PXYLP1: variants seen among roughly 807,000 people sequenced by gnomAD.
PXYLP1 encodes the protein acid phosphatase-like 2.
In PXYLP1, 17 loss-of-function variants were observed where a neutral mutation model predicts 37.9. The observed-to-expected ratio is 0.45, with a 90% confidence interval of 0.31 to 0.67. The LOEUF is 0.67. Ranked by LOEUF, PXYLP1 falls within the 30% of genes least tolerant of loss-of-function variation. The probability of loss-of-function intolerance (pLI) is 0.07; values close to 1 mark genes in which losing one functional copy is unlikely to be tolerated. For missense variants in PXYLP1, 511 were observed against 612.0 expected (o/e 0.84, Z 1.74); for synonymous variants, 221 against 232.2 (o/e 0.95, Z 0.44).
chr3:141,281,155 C>T (rs947178774), intron 4 of PXYLP1, among the ~76,000 whole-genome samples: 1 of 152,212 alleles, frequency 6.6e-6, no homozygotes, highest in African/African-American at 2.4e-5. Flanking sequence ...CTTTGATCAG[C>T]ATTTATTGCA....
At chr3:141,270,516 G>A (rs536769611) in intron 2 of PXYLP1, among the ~76,000 whole-genome samples, 20 of 152,346 alleles carry the variant, frequency 1.3e-4, no homozygotes, top group African/African-American at 4.3e-4. Context: ...GGGTTGAGGA[G>A]CACTAAGGGA....
chr3:141,274,598 G>C, intron 2 of PXYLP1: 1 of 869,338 alleles, frequency 1.2e-6, no homozygotes, highest in South Asian at 1.4e-5. Flanking sequence ...AAAGCATGGA[G>C]CACAGCGTCT....
chr3:141,246,104 T>A (rs574664325), intron 1 of PXYLP1, among the ~76,000 whole-genome samples: 2 of 152,084 alleles, frequency 1.3e-5, no homozygotes, highest in African/African-American at 4.8e-5. Context: ...ATGACCTGGG[T>A]GTAATGGGTT....
At chr3:141,258,852 G>A (rs1941324731) in intron 1 of PXYLP1, 1 of 152,242 alleles carries the variant, frequency 6.6e-6, no homozygotes, top group African/African-American at 2.4e-5. Flanking sequence ...ATTGGGATCT[G>A]TTTGTTAACA....
chr3:141,233,853 G>C (rs1940593508), intron 1 of PXYLP1, among the ~76,000 whole-genome samples: 1 of 152,188 alleles, frequency 6.6e-6, no homozygotes, highest in African/African-American at 2.4e-5. Flanking sequence ...AGGACATACT[G>C]GGGCTCAGTA....
intron 1 of PXYLP1, among the ~76,000 whole-genome samples, chr3:141,248,696 C>T (rs781282142): frequency 1.1e-4 from 2 of 18,612 alleles, no homozygotes; most frequent in Non-Finnish European, 1.8e-4. Flanking sequence ...CACGTATATA[C>T]ACACACGTGT....
intron 1 of PXYLP1, chr3:141,258,759 G>A (rs758225660): frequency 3.9e-5 from 6 of 155,692 alleles, no homozygotes; most frequent in East Asian, 1.9e-4. Flanking sequence ...CAAAAATCTG[G>A]TCAATGTGGA....
chr3:141,269,347 A>G (rs1309511211), intron 2 of PXYLP1, among the ~76,000 whole-genome samples: 1 of 152,218 alleles, frequency 6.6e-6, no homozygotes, highest in Non-Finnish European at 1.5e-5. Flanking sequence ...GGGCACATAT[A>G]TACTCAAATA....
At chr3:141,237,434 C>G (rs1002672716) in intron 1 of PXYLP1, among the ~76,000 whole-genome samples, 3 of 152,190 alleles carry the variant, frequency 2.0e-5, no homozygotes, top group Non-Finnish European at 2.9e-5. Flanking sequence ...AGAGGCCAAA[C>G]TGACTTTAAA....
intron 1 of PXYLP1, among the ~76,000 whole-genome samples, chr3:141,247,073 C>T (rs556443974): frequency 7.2e-5 from 11 of 152,374 alleles, no homozygotes; most frequent in African/African-American, 1.9e-4. Flanking sequence ...TAACAGGTTT[C>T]TCCACCTCAG....
intron 2 of PXYLP1, chr3:141,262,522 C>T: frequency 1.2e-6 from 1 of 835,370 alleles, no homozygotes. Context: ...GTTTCCACGT[C>T]ACTGAATTGG....
chr3:141,293,379 G>T lies in PXYLP1; in HGVS notation c.*174G>T. ...AACAGTAAGCACATTGCTGCAATGT[G>T]GTACGTGAATTGCTTGGTACAAAAT... On this transcript the variant is annotated 3_prime_UTR_variant, in exon 6 of 6. Transcript: ENST00000286353. 1.5e-6 allele frequency: 1 copy of T among 665,878 alleles called. No individual in the cohort carries two copies. Among genetic ancestry groups the T allele is most frequent in the Non-Finnish European group, 2.5e-6 (1 of 401,784 alleles). 41.2% of individuals were successfully genotyped at this position (665,878 alleles called of 1,614,324 possible). A position where few individuals can be genotyped will look rare whatever the true frequency, so the allele number is the denominator to read the frequency against.
At chr3:141,280,908 A>G (rs1028898992) in intron 4 of PXYLP1, among the ~76,000 whole-genome samples, 1 of 152,224 alleles carries the variant, frequency 6.6e-6, no homozygotes, top group Non-Finnish European at 1.5e-5. Context: ...TTGTTGCCCC[A>G]GGGTTTCCAT....
At chr3:141,281,483 A>G (rs55928634) in intron 4 of PXYLP1, among the ~76,000 whole-genome samples, 7,297 of 152,310 alleles carry the variant, frequency 0.048, 226 homozygotes, top group South Asian at 0.1. Context: ...CCCGGTGCCC[A>G]GGACACGGCA....
intron 1 of PXYLP1, among the ~76,000 whole-genome samples, chr3:141,252,246 G>A (rs1165252697): frequency 3.3e-5 from 5 of 152,300 alleles, no homozygotes; most frequent in Middle Eastern, 3.4e-3. Context: ...TTCAGGGCCT[G>A]CTTCAGGATC....
chr3:141,285,682 G>T (rs1298218991), intron 4 of PXYLP1, among the ~76,000 whole-genome samples: 2 of 152,040 alleles, frequency 1.3e-5, no homozygotes, highest in African/African-American at 4.8e-5. Flanking sequence ...CTCAAAAAAA[G>T]CTCCAACCTG....
intron 1 of PXYLP1, among the ~76,000 whole-genome samples, chr3:141,257,442 C>T (rs946323771): frequency 5.9e-5 from 9 of 152,088 alleles, no homozygotes; most frequent in African/African-American, 2.2e-4. Context: ...AGCCAAAAGT[C>T]AATATAGGAA....
Position 141,273,289 on chromosome 3 carries a change from A to G in PXYLP1, c.80-5053A>G, listed in dbSNP as rs527586855. On this transcript the variant is annotated intron_variant, in intron 2 of 5. Transcript: ENST00000286353. The stretch of plus-strand genomic sequence containing the variant: ...GCATAAATACCGAGCTTAGTGGGTG[A>G]GCAGGTCCGGGCTTACAGGCTTCAG... 399 of 985,446 alleles carry G rather than the reference A, an allele frequency of 4.0e-4. 1 individual carries two copies. In the African/African-American group the frequency reaches 6.4e-3, roughly 16 times the overall value. The allele number at this position is 985,446 out of a possible 1,614,324, so 61.0% of individuals were successfully genotyped here. A position where few individuals can be genotyped will look rare whatever the true frequency, so the allele number is the denominator to read the frequency against.
chr3:141,253,846 A>AAT (rs1394084747), intron 1 of PXYLP1, among the ~76,000 whole-genome samples: 12 of 105,402 alleles, frequency 1.1e-4, no homozygotes, highest in Non-Finnish European at 1.3e-4. Flanking sequence ...TCTCCTCTGG[A>AAT]ATATATATAT....
Sources: gnomAD v4.1 joint callset for allele counts (sites outside exome capture counted in the v4.1 genomes callset) on GRCh38, gnomAD v4.1.1 for gene constraint, MANE v1.5 for transcripts, NCBI Gene and HGNC (gene_info 2026-07-23, HGNC 2026-07-21) for gene names.